Variants in RGS18 observed in about 807,000 individuals in gnomAD.
RGS18 encodes the protein regulator of G protein signaling 18.
Under a neutral mutation model 27.6 loss-of-function variants are expected in RGS18, and 22 were observed. The observed-to-expected ratio is 0.80, with a 90% CI of 0.57 to 1.14. RGS18 has a LOEUF of 1.14. Ranked by LOEUF, RGS18 falls within the 50% of genes most tolerant of loss-of-function variation. The pLI is 0.00. For missense variants in RGS18, 299 were observed against 269.6 expected, an observed-to-expected ratio of 1.11 and a Z score of -0.76; for synonymous variants, 89 against 84.6, an observed-to-expected ratio of 1.05 and a Z score of -0.29.
chr1:192,180,868 C>A (rs1656440633), intron 3 of RGS18, among the ~76,000 whole-genome samples: 1 of 151,614 alleles, frequency 6.6e-6, no homozygotes, highest in Non-Finnish European at 1.5e-5. Flanking sequence ...AAGCATAGAG[C>A]TTTTAGTAAG....
intron 1 of RGS18, among the ~76,000 whole-genome samples, chr1:192,158,985 A>G (rs1031689316): frequency 6.6e-6 from 1 of 152,234 alleles, no homozygotes; most frequent in African/African-American, 2.4e-5. Flanking sequence ...TAGAGGAACT[A>G]GTGCAATCTT....
In RGS18 at chr1:192,167,402, C is replaced by G. The variant is rs80001547; in HGVS notation, c.283+6963C>G. Among the ~76,000 whole-genome samples the G allele has an allele frequency of 5.4e-3, 818 of 152,068 alleles. 8 individuals are homozygous for G. Among genetic ancestry groups the G allele is most frequent in the African/African-American group, 0.018 (758 of 41,500 alleles). ...AATTTAAATTTCCAACTCAAGCTAA[C>G]CCATAACAAGCACAAGCACTCAACT... On this transcript the variant is annotated intron_variant, in intron 3 of 4. Coordinates refer to ENST00000367460, the MANE Select transcript of RGS18 (RefSeq NM_130782.3).
chr1:192,163,138 G>C (rs1656101741), intron 3 of RGS18: 1 of 152,116 alleles, frequency 6.6e-6, no homozygotes, highest in Non-Finnish European at 1.5e-5. Flanking sequence ...AGCTCCAACA[G>C]AAATAGATTT....
At chr1:192,176,612 T>G (rs954928128) in intron 3 of RGS18, among the ~76,000 whole-genome samples, 7 of 151,692 alleles carry the variant, frequency 4.6e-5, no homozygotes, top group Non-Finnish European at 8.8e-5. Flanking sequence ...TGTTCTTTTA[T>G]TTAAGGTAGT....
intron 4 of RGS18, among the ~76,000 whole-genome samples, chr1:192,184,060 T>C (rs1341480897): frequency 6.6e-6 from 1 of 151,514 alleles, no homozygotes; most frequent in Non-Finnish European, 1.5e-5. Context: ...AAGGAGATGG[T>C]GCTAAACCAT....
chr1:192,158,615 C>A lies in RGS18; in HGVS notation c.-23C>A. The A allele has an allele frequency of 6.6e-7, 1 of 1,516,006 alleles. No individual in the cohort carries two copies. Among genetic ancestry groups the A allele is most frequent in the South Asian group, 1.3e-5 (1 of 74,662 alleles). 93.9% of individuals were successfully genotyped at this position (1,516,006 alleles called of 1,614,324 possible). A position where few individuals can be genotyped will look rare whatever the true frequency, so the allele number is the denominator to read the frequency against. Reference sequence around the variant, plus strand: ...CTAGGGAAGGATGTAATAAATTAGACATCTCTTCATTTTAGAGAGAAGATG... The same window carrying A: ...CTAGGGAAGGATGTAATAAATTAGAAATCTCTTCATTTTAGAGAGAAGATG... On this transcript the variant is annotated 5_prime_UTR_variant, in exon 1 of 5. Coordinates refer to ENST00000367460, the MANE Select transcript of RGS18 (RefSeq NM_130782.3).
intron 3 of RGS18, among the ~76,000 whole-genome samples, chr1:192,171,273 C>T (rs1049347308): frequency 2.0e-5 from 3 of 151,860 alleles, no homozygotes; most frequent in Non-Finnish European, 4.4e-5. Flanking sequence ...GAAAGAAGAG[C>T]GACTTGATCA....
In RGS18 at chr1:192,160,412, T is replaced by C; in HGVS notation, c.256T>C (p.Ser86Pro). 6.2e-7 allele frequency: 1 copy of C among 1,612,554 alleles called. No individual in the cohort carries two copies. Among genetic ancestry groups the C allele is most frequent in the Non-Finnish European group, 8.5e-7 (1 of 1,178,754 alleles). The change falls in exon 3 of 5, where the codon TCA (serine) becomes CCA (proline). Residue 86 changes from serine (S) to proline (P), a missense_variant. Ser to Pro is a moderately conservative substitution (Grantham distance 74, BLOSUM62 -1). Coordinates refer to ENST00000367460, the MANE Select transcript of RGS18 (RefSeq NM_130782.3). Reference sequence around the variant, plus strand: ...TGAAGAGGCAGTGAAATGGGGTGAATCATTTGACAAACTGCTTTCCCATAG... The same window carrying C: ...TGAAGAGGCAGTGAAATGGGGTGAACCATTTGACAAACTGCTTTCCCATAG... ...SPEEAVKWGESFDKLLSHRDG... is the reference protein window; with the variant it reads ...SPEEAVKWGEPFDKLLSHRDG...
intron 3 of RGS18, among the ~76,000 whole-genome samples, chr1:192,171,897 T>G (rs1478764481): frequency 1.3e-5 from 2 of 152,046 alleles, no homozygotes; most frequent in Non-Finnish European, 2.9e-5. Context: ...CTACGGTGAT[T>G]AAAACAACAC....
intron 1 of RGS18, 49 bp from the exon 2 acceptor site, chr1:192,159,171 T>A (rs1464447804): frequency 7.2e-7 from 1 of 1,387,808 alleles, no homozygotes; most frequent in Admixed American, 1.8e-5. Flanking sequence ...GCAGGAGAGA[T>A]TTTAACTGTC....
chr1:192,175,697 A>G (rs1389033859), intron 3 of RGS18, among the ~76,000 whole-genome samples: 3 of 151,830 alleles, frequency 2.0e-5, no homozygotes, highest in South Asian at 2.1e-4. Context: ...TGCCCTGCTC[A>G]TGTGCAGCTT....
intron 3 of RGS18, chr1:192,169,050 C>T (rs1055197813): frequency 1.3e-5 from 2 of 152,138 alleles, no homozygotes; most frequent in African/African-American, 4.8e-5. Context: ...TAACACAGTT[C>T]TCAGGTTCAG....
chr1:192,180,185 G>A (rs142869472), intron 3 of RGS18, among the ~76,000 whole-genome samples: 2 of 151,618 alleles, frequency 1.3e-5, no homozygotes, highest in African/African-American at 4.8e-5. Flanking sequence ...TCATCTTAGT[G>A]AGCCTTAAAT....
chr1:192,161,349 C>CT (rs1342318358), intron 3 of RGS18: 1 of 152,080 alleles, frequency 6.6e-6, no homozygotes, highest in African/African-American at 2.4e-5. Context: ...TATAGCATGG[C>CT]TTAGGAGGCA....
At chr1:192,165,612 C>T (rs373198231) in intron 3 of RGS18, among the ~76,000 whole-genome samples, 16 of 152,100 alleles carry the variant, frequency 1.1e-4, no homozygotes, top group South Asian at 4.2e-4. Context: ...TCAGACTGGC[C>T]GACACTTAGG....
chr1:192,158,498 C>A lies in RGS18; in HGVS notation c.-140C>A. ...TCTGCAGAGACAGAAAGAAACGCAG[C>A]TCTTGACTTCTTTTTTGTAAACATT... is the stretch of plus-strand genomic sequence containing the variant. On this transcript the variant is annotated 5_prime_UTR_variant, in exon 1 of 5. Transcript: ENST00000367460. 2 of 709,268 alleles carry A rather than the reference C, an allele frequency of 2.8e-6. No individual in the cohort carries two copies. The highest frequency in any genetic ancestry group is 4.1e-6 in the Non-Finnish European group (2 of 492,700). The allele number at this position is 709,268 out of a possible 1,614,324, so 43.9% of individuals were successfully genotyped here.
intron 2 of RGS18, among the ~76,000 whole-genome samples, chr1:192,159,690 G>A (rs981324573): frequency 4.6e-5 from 7 of 151,922 alleles, no homozygotes; most frequent in Non-Finnish European, 8.8e-5. Flanking sequence ...AAAAACACAC[G>A]CATTATAGCA....
intron 2 of RGS18, among the ~76,000 whole-genome samples, 160 bp from the exon 3 acceptor site, chr1:192,160,218 T>C (rs1220115634): frequency 2.0e-5 from 3 of 152,196 alleles, no homozygotes; most frequent in Non-Finnish European, 2.9e-5. Flanking sequence ...TGAACAATGT[T>C]TTCAAAGTTT....
At chr1:192,164,327 T>C (rs1046141466) in intron 3 of RGS18, among the ~76,000 whole-genome samples, 2 of 152,152 alleles carry the variant, frequency 1.3e-5, no homozygotes, top group Non-Finnish European at 2.9e-5. Context: ...CAATTCTTTA[T>C]TGAAAAATAC....
Sources: gnomAD v4.1 joint callset for allele counts (sites outside exome capture counted in the v4.1 genomes callset) on GRCh38, gnomAD v4.1.1 for gene constraint, MANE v1.5 for transcripts, NCBI Gene and HGNC (gene_info 2026-07-23, HGNC 2026-07-21) for gene names.